Variants in ABCA1 observed in about 807,000 individuals in gnomAD.
The protein encoded by ABCA1 is ATP binding cassette subfamily A member 1.
ABCA1 carries 133 observed loss-of-function variants against 262.5 expected under a neutral mutation model. The ratio of observed to expected loss-of-function variants is 0.51; its 90% CI spans 0.44 to 0.59. The LOEUF (loss-of-function observed/expected upper bound fraction) is 0.59. Ranked by LOEUF, ABCA1 falls within the 20% of genes least tolerant of loss-of-function variation. The probability of loss-of-function intolerance (pLI) is 0.00; values close to 1 mark genes in which losing one functional copy is unlikely to be tolerated. For synonymous variants in ABCA1, 1,022 were observed against 1,043.5 expected (o/e 0.98, Z 0.40); for missense variants, 2,452 against 2,777.5 (o/e 0.88, Z 2.63).
Position 104,798,244 on chromosome 9 carries a change from C to G in ABCA1, c.5121+177G>C, listed in dbSNP as rs1341160644. ...CTCTGGTGTGACATGAACTCTGGTA[C>G]CCAATGCTGTGTTTGGTGTCATGAA... On this transcript the variant is annotated intron_variant, in intron 37 of 49. Transcript: ENST00000374736. Among the ~76,000 whole-genome samples the G allele has an allele frequency of 3.3e-5, 5 of 152,290 alleles. No individual in the cohort carries two copies. The East Asian group carries it at 5.8e-4, about 18-fold the overall frequency.
At chr9:104,904,781 C>T (rs982697854) in intron 1 of ABCA1, among the ~76,000 whole-genome samples, 2 of 152,060 alleles carry the variant, frequency 1.3e-5, no homozygotes, top group Non-Finnish European at 2.9e-5. Context: ...ACTGTGAAAC[C>T]GACAAACAAG....
At chr9:104,901,863 G>A (rs1233664028) in intron 2 of ABCA1, among the ~76,000 whole-genome samples, 1 of 152,148 alleles carries the variant, frequency 6.6e-6, no homozygotes, top group Non-Finnish European at 1.5e-5. Context: ...ACAGTACATC[G>A]CGGGGCCTTA....
intron 11 of ABCA1, among the ~76,000 whole-genome samples, 176 bp from the exon 12 acceptor site, chr9:104,832,947 A>C (rs560394259): frequency 5.9e-5 from 9 of 152,172 alleles, no homozygotes; most frequent in Admixed American, 4.6e-4. Context: ...AGAAAAAAAA[A>C]CATGATTTTA....
intron 1 of ABCA1, among the ~76,000 whole-genome samples, chr9:104,907,694 G>A (rs1841249813): frequency 6.6e-6 from 1 of 152,122 alleles, no homozygotes; most frequent in Non-Finnish European, 1.5e-5. Flanking sequence ...GTGACTCCTG[G>A]GACATCCTGA....
Position 104,831,177 on chromosome 9 carries a change from A to G in ABCA1, c.1716-76T>C, listed in dbSNP as rs1029719708. 3.0e-6 allele frequency: 4 copies of G among 1,316,978 alleles called. No homozygotes were observed. In the African/African-American group the frequency reaches 4.6e-5, roughly 15 times the overall value. The allele number at this position is 1,316,978 out of a possible 1,614,324, so 81.6% of individuals were successfully genotyped here. ...AAAAAAAAAAAAAAAAAAATTGCCC[A>G]AAACCCTACTACCCTTACCAAGCCC... On this transcript the variant is annotated intron_variant, in intron 13 of 49. Transcript: ENST00000374736.
Position 104,882,028 on chromosome 9 carries a change from T to TAAAAAAAAAAAAAAAAAAAAAA in ABCA1, c.421+989_421+1010dup, listed in dbSNP as rs557626075. Among the ~76,000 whole-genome samples the TAAAAAAAAAAAAAAAAAAAAAA allele has an allele frequency of 8.4e-4, 62 of 73,750 alleles. 5 individuals are homozygous for TAAAAAAAAAAAAAAAAAAAAAA. The highest frequency in any genetic ancestry group is 2.2e-3 in the East Asian group (4 of 1,780). The allele number at this position is 73,750 out of a possible 152,430, so 48.4% of individuals were successfully genotyped here. On this transcript the variant is annotated intron_variant, in intron 5 of 49. Coordinates refer to ENST00000374736, the MANE Select transcript of ABCA1 (RefSeq NM_005502.4). ...CAAGGAAAGCACAGTTCTGTAGCCT[T>TAAAAAAAAAAAAAAAAAAAAAA]AAAAAAAAAAAAAAAAAAAAAAAAA...
At chr9:104,868,991 G>C (rs151088421) in intron 5 of ABCA1, among the ~76,000 whole-genome samples, 1 of 151,880 alleles carries the variant, frequency 6.6e-6, no homozygotes. Context: ...GAGGAGGGAG[G>C]AGAGGGAAGA....
intron 5 of ABCA1, among the ~76,000 whole-genome samples, chr9:104,865,907 G>C (rs2740499): frequency 3.3e-5 from 5 of 151,936 alleles, no homozygotes. Context: ...GGCTGAAAGG[G>C]GAGATAAAGA....
chr9:104,792,383 G>A (rs145614267), intron 42 of ABCA1, among the ~76,000 whole-genome samples: 13 of 152,242 alleles, frequency 8.5e-5, no homozygotes, highest in African/African-American at 2.6e-4. Context: ...AGTAAAATTT[G>A]GAGATGCTGG....
At chr9:104,850,321 C>T (rs1272505409) in intron 7 of ABCA1, among the ~76,000 whole-genome samples, 1 of 152,192 alleles carries the variant, frequency 6.6e-6, no homozygotes, top group Admixed American at 6.5e-5. Context: ...AGTGTTTCAC[C>T]ATGTTGGCCA....
intron 3 of ABCA1, among the ~76,000 whole-genome samples, chr9:104,888,058 GGTGT>G (rs10693809): frequency 0.047 from 6,540 of 140,334 alleles, 204 homozygotes; most frequent in East Asian, 0.079. Flanking sequence ...TTTCTTGAGG[GGTGT>G]GTGTGTGTGT....
chr9:104,869,553 C>T (rs563461043), intron 5 of ABCA1, among the ~76,000 whole-genome samples: 9 of 152,258 alleles, frequency 5.9e-5, no homozygotes, highest in South Asian at 2.1e-4. Flanking sequence ...GAAGAATAGA[C>T]GATGCCTGCT....
chr9:104,900,758 C>T (rs2777790), intron 2 of ABCA1, among the ~76,000 whole-genome samples: 71,324 of 152,122 alleles, frequency 0.47, 18,572 homozygotes, highest in African/African-American at 0.71. Context: ...GTTCTGTCAG[C>T]TGTACAAGAT....
At chr9:104,788,707 T>C (rs1282804434) in intron 44 of ABCA1, 140 bp from the exon 45 acceptor site, 6 of 1,130,096 alleles carry the variant, frequency 5.3e-6, no homozygotes, top group African/African-American at 1.5e-5. Context: ...AAGCACAGCC[T>C]TTCTGCCCCC....
At chr9:104,860,051 C>G (rs1464701775) in intron 6 of ABCA1, among the ~76,000 whole-genome samples, 3 of 125,036 alleles carry the variant, frequency 2.4e-5, no homozygotes, top group African/African-American at 1.2e-4. Flanking sequence ...GAGACTCCAA[C>G]TCAAAAAAAA....
intron 5 of ABCA1, among the ~76,000 whole-genome samples, chr9:104,878,163 C>T (rs1838315135): frequency 6.6e-6 from 1 of 152,324 alleles, no homozygotes; most frequent in East Asian, 1.9e-4. Context: ...CCAATTTTTA[C>T]ATCTGAGTTG....
intron 42 of ABCA1, 80 bp downstream of exon 42, chr9:104,792,706 C>A (rs1008938985): frequency 6.3e-7 from 1 of 1,594,684 alleles, no homozygotes; most frequent in African/African-American, 1.3e-5. Context: ...TTTTATTAAG[C>A]AAGTCAGCAA....
chr9:104,879,073 T>TA (rs760244801), intron 5 of ABCA1, among the ~76,000 whole-genome samples: 13,477 of 142,984 alleles, frequency 0.094, 1,319 homozygotes, highest in African/African-American at 0.26. Context: ...GGCTCTGTCT[T>TA]AAAAAAAAAA....
At chr9:104,859,707 T>C (rs1836174289) in intron 6 of ABCA1, among the ~76,000 whole-genome samples, 1 of 152,226 alleles carries the variant, frequency 6.6e-6, no homozygotes, top group Non-Finnish European at 1.5e-5. Flanking sequence ...TTTCTTTAAC[T>C]GGTCCTTGCT....
Sources: allele counts gnomAD v4.1 joint callset (sites outside exome capture counted in the v4.1 genomes callset), GRCh38; gene constraint gnomAD v4.1.1; transcripts MANE v1.5; gene names NCBI Gene and HGNC (gene_info 2026-07-23, HGNC 2026-07-21).